The following DMD variants were observed in gnomAD, a reference collection of about 807,000 sequenced individuals.
The protein encoded by DMD is mutant dystrophin.
DMD carries 63 observed loss-of-function variants against 330.1 expected under a neutral mutation model. That is an observed-to-expected ratio of 0.19 (90% CI 0.16 to 0.24). The LOEUF is 0.24. Among genes scored for constraint, DMD ranks in the 10% least tolerant of loss-of-function variants. DMD has a pLI of 1.00. For missense variants in DMD, 3,344 were observed against 2,684.1 expected (o/e 1.25, Z -5.43); for synonymous variants, 1,223 against 959.8 (o/e 1.27, Z -5.07).
chrX:32,590,423 T>A (rs190779276), intron 13 of DMD, among the ~76,000 whole-genome samples: 38 of 111,506 alleles, frequency 3.4e-4, no homozygotes, highest in Middle Eastern at 4.7e-3. Context: ...GATGAAGTAT[T>A]GTTTCTTCCG....
chrX:32,430,744 C>T (rs572506291), intron 29 of DMD, among the ~76,000 whole-genome samples: 5 of 111,518 alleles, frequency 4.5e-5, no homozygotes, highest in South Asian at 3.8e-4. Flanking sequence ...AGGAAGCATT[C>T]CACATTCTCC....
intron 1 of DMD, among the ~76,000 whole-genome samples, chrX:33,156,437 G>T (rs1238457135): frequency 8.9e-6 from 1 of 112,147 alleles, no homozygotes; most frequent in Non-Finnish European, 1.9e-5. Flanking sequence ...ATTCAAAGAT[G>T]TGTAAAATAG....
chrX:32,530,758 A>G (rs2047403576), intron 17 of DMD, among the ~76,000 whole-genome samples: 1 of 112,000 alleles, frequency 8.9e-6, no homozygotes, highest in South Asian at 3.7e-4. Flanking sequence ...CATTTTCAAT[A>G]AATTGAAAGT....
At chrX:33,190,964 TATA>T (rs1229115276) in intron 1 of DMD, among the ~76,000 whole-genome samples, 1 of 1,264 alleles carries the variant, frequency 7.9e-4, no homozygotes, top group African/African-American at 2.0e-3. Flanking sequence ...TATATATATA[TATA>T]ATATATAATA....
At chrX:31,141,637 A>AAGAAGGTAT (rs2036062884) in intron 76 of DMD, among the ~76,000 whole-genome samples, 1 of 61,920 alleles carries the variant, frequency 1.6e-5, no homozygotes, top group African/African-American at 4.2e-5. Flanking sequence ...AACATAGCTA[A>AAGAAGGTAT]GGAAGGCAGG....
chrX:31,541,386 C>T (rs943275222), intron 55 of DMD, among the ~76,000 whole-genome samples: 4 of 109,564 alleles, frequency 3.7e-5, no homozygotes, highest in East Asian at 2.9e-4. Flanking sequence ...ATGTGCACAA[C>T]GTGCGGGTTT....
At chrX:32,983,692 A>G (rs2092769667) in intron 2 of DMD, among the ~76,000 whole-genome samples, 1 of 111,403 alleles carries the variant, frequency 9.0e-6, no homozygotes, top group African/African-American at 3.3e-5. Flanking sequence ...AAAATGGTAA[A>G]GTGTACATAG....
intron 17 of DMD, among the ~76,000 whole-genome samples, chrX:32,526,987 A>T (rs1291645187): frequency 8.9e-6 from 1 of 112,127 alleles, no homozygotes; most frequent in Admixed American, 9.5e-5. Context: ...TTGAGAGTGG[A>T]AGTCCTCCAA....
intron 60 of DMD, among the ~76,000 whole-genome samples, chrX:31,433,769 T>TG (rs1258661232): frequency 8.9e-6 from 1 of 111,852 alleles, no homozygotes; most frequent in East Asian, 2.8e-4. Context: ...ATTTTTTTCT[T>TG]GGAGTTTTGG....
At chrX:31,138,381 G>A (rs1467532505) in intron 76 of DMD, among the ~76,000 whole-genome samples, 1 of 111,552 alleles carries the variant, frequency 9.0e-6, no homozygotes, top group African/African-American at 3.3e-5. Flanking sequence ...CATGAAACAA[G>A]CCAGATATAA....
intron 44 of DMD, among the ~76,000 whole-genome samples, chrX:32,053,219 AT>A (rs1457093480): frequency 9.0e-6 from 1 of 111,723 alleles, no homozygotes; most frequent in East Asian, 2.9e-4. Context: ...CAAATGTAGA[AT>A]TCTCATCTAA....
intron 67 of DMD, among the ~76,000 whole-genome samples, chrX:31,188,381 T>C (rs963428943): frequency 6.2e-5 from 7 of 112,158 alleles, no homozygotes; most frequent in African/African-American, 2.3e-4. Context: ...TAGATTGGAA[T>C]AGCAGGAAGT....
chrX:32,069,665 A>G (rs187914922), intron 44 of DMD, among the ~76,000 whole-genome samples: 2 of 111,971 alleles, frequency 1.8e-5, no homozygotes, highest in African/African-American at 6.5e-5. Context: ...AATTTCACTC[A>G]TTTAATTTTA....
intron 7 of DMD, among the ~76,000 whole-genome samples, chrX:32,734,397 C>A (rs2068135889): frequency 9.7e-6 from 1 of 102,889 alleles, no homozygotes; most frequent in Admixed American, 1.0e-4. Context: ...AGAGGGAATC[C>A]TCCCTAACTC....
At chrX:31,945,482 G>A (rs944799800) in intron 45 of DMD, among the ~76,000 whole-genome samples, 9 of 111,706 alleles carry the variant, frequency 8.1e-5, no homozygotes, top group Non-Finnish European at 1.1e-4. Flanking sequence ...ATTAAAATGC[G>A]ATAAGCATTG....
intron 67 of DMD, among the ~76,000 whole-genome samples, chrX:31,191,533 C>T (rs1194460716): frequency 9.0e-6 from 1 of 111,119 alleles, no homozygotes. Flanking sequence ...GCGCCGTTCT[C>T]GTGATAGTGA....
intron 9 of DMD, among the ~76,000 whole-genome samples, chrX:32,650,254 A>G (rs57916323): frequency 0.079 from 8,874 of 111,885 alleles, 323 homozygotes; most frequent in African/African-American, 0.14. Context: ...TTAAAGTATG[A>G]TACGACTGTT....
intron 44 of DMD, among the ~76,000 whole-genome samples, chrX:32,123,722 T>C (rs186516483): frequency 8.9e-6 from 1 of 111,767 alleles, no homozygotes; most frequent in East Asian, 2.8e-4. Context: ...CCTTTAAACA[T>C]TGTGGCATGC....
intron 76 of DMD, among the ~76,000 whole-genome samples, chrX:31,142,917 C>A (rs945683098): frequency 8.9e-6 from 1 of 111,945 alleles, no homozygotes; most frequent in East Asian, 2.8e-4. Context: ...AATATGTTGA[C>A]TCTTTAGACA....
Sources: allele counts gnomAD v4.1 joint callset (sites outside exome capture counted in the v4.1 genomes callset), GRCh38; gene constraint gnomAD v4.1.1; transcripts MANE v1.5; gene names NCBI Gene and HGNC (gene_info 2026-07-23, HGNC 2026-07-21).